Variants in MAD1L1 observed in about 807,000 individuals in gnomAD.
The protein encoded by MAD1L1 is mitotic arrest deficient 1 like 1.
In MAD1L1, 95 loss-of-function variants were observed where a neutral mutation model predicts 96.9. The observed-to-expected ratio is 0.98, with a 90% CI of 0.83 to 1.16. MAD1L1 has a LOEUF of 1.16. Among genes scored for constraint, MAD1L1 ranks in the 50% most tolerant of loss-of-function variants. The pLI is 0.00. For synonymous variants in MAD1L1, 473 were observed against 396.6 expected (o/e 1.19, Z -2.29); for missense variants, 1,007 against 954.4 (o/e 1.06, Z -0.73).
At chr7:1,864,523 G>A (rs1345329642) in intron 18 of MAD1L1, among the ~76,000 whole-genome samples, 1 of 152,222 alleles carries the variant, frequency 6.6e-6, no homozygotes, top group Non-Finnish European at 1.5e-5. Flanking sequence ...AAGTCCCCAT[G>A]ACACAGTTGC....
At chr7:2,159,421 A>C (rs1422572017) in intron 10 of MAD1L1, among the ~76,000 whole-genome samples, 1 of 152,078 alleles carries the variant, frequency 6.6e-6, no homozygotes, top group South Asian at 2.1e-4. Flanking sequence ...CTTCAATGGA[A>C]TGTCACCTGA....
chr7:1,996,157 T>TC (rs55776046), intron 14 of MAD1L1, among the ~76,000 whole-genome samples: 8 of 130,316 alleles, frequency 6.1e-5, no homozygotes, highest in Non-Finnish European at 6.5e-5. Context: ...GCATGCAGGG[T>TC]CCCCCGGGTC....
chr7:2,198,083 GTTT>G (rs78102383), intron 10 of MAD1L1, among the ~76,000 whole-genome samples: 2 of 134,194 alleles, frequency 1.5e-5, no homozygotes, highest in Non-Finnish European at 1.7e-5. Flanking sequence ...ATGAGTTTGG[GTTT>G]TTTTTTTTTT....
intron 16 of MAD1L1, among the ~76,000 whole-genome samples, chr7:1,956,551 C>T: frequency 6.6e-6 from 1 of 152,240 alleles, no homozygotes; most frequent in Admixed American, 6.5e-5. Flanking sequence ...CACGCCTCAG[C>T]TCTGAGCAGC....
rs961286900 is a variant in MAD1L1, at chr7:2,007,152, G to A, written c.1360-5031C>T. Among the ~76,000 whole-genome samples the A allele has an allele frequency of 2.6e-5, 4 of 152,226 alleles. No individual in the cohort carries two copies. The South Asian group carries it at 8.3e-4, about 32-fold the overall frequency. On this transcript the variant is annotated intron_variant, in intron 13 of 18. Transcript: ENST00000265854. ...GAAGGGACCTGAACAGACGCCACCA[G>A]AGAAGAGGCGCCGAGGTGGAGAAGC...
At chr7:1,884,468 CA>C (rs1330212776) in intron 18 of MAD1L1, among the ~76,000 whole-genome samples, 1 of 152,378 alleles carries the variant, frequency 6.6e-6, no homozygotes, top group South Asian at 2.1e-4. Flanking sequence ...AACGTTGGGT[CA>C]GGGGCCTAGC....
At chr7:1,995,734 G>A (rs938883849) in intron 14 of MAD1L1, among the ~76,000 whole-genome samples, 11 of 152,182 alleles carry the variant, frequency 7.2e-5, no homozygotes, top group African/African-American at 1.7e-4. Flanking sequence ...CTGGTGCAGC[G>A]TGAACTGAAC....
intron 10 of MAD1L1, among the ~76,000 whole-genome samples, chr7:2,172,657 C>T (rs1335674770): frequency 2.0e-5 from 3 of 152,246 alleles, no homozygotes; most frequent in Admixed American, 6.5e-5. Flanking sequence ...CAGTAGTCCT[C>T]GTGGTGCCAG....
intron 1 of MAD1L1, among the ~76,000 whole-genome samples, chr7:2,231,008 C>T (rs1235369653): frequency 6.6e-6 from 1 of 152,222 alleles, no homozygotes; most frequent in Non-Finnish European, 1.5e-5. Flanking sequence ...ACCAGGAGCA[C>T]TCACAGCAAA....
At chr7:2,214,286 C>T (rs151060249) in intron 9 of MAD1L1, among the ~76,000 whole-genome samples, 4 of 152,290 alleles carry the variant, frequency 2.6e-5, no homozygotes, top group East Asian at 3.9e-4. Flanking sequence ...TAAATTACAC[C>T]GCGGGAGAGA....
intron 18 of MAD1L1, among the ~76,000 whole-genome samples, chr7:1,883,865 G>C (rs770609467): frequency 6.6e-5 from 10 of 152,156 alleles, no homozygotes; most frequent in African/African-American, 2.4e-4. Context: ...CAGGAGCCTC[G>C]AGCGAAGCTG....
intron 15 of MAD1L1, among the ~76,000 whole-genome samples, chr7:1,973,483 G>A (rs55698439): frequency 5.9e-5 from 9 of 151,842 alleles, no homozygotes; most frequent in South Asian, 2.1e-4. Flanking sequence ...GGCCACGGAA[G>A]GGTGGATGCG....
At chr7:2,046,084 G>A (rs569181087) in intron 12 of MAD1L1, among the ~76,000 whole-genome samples, 6 of 152,248 alleles carry the variant, frequency 3.9e-5, no homozygotes, top group Admixed American at 6.5e-5. Flanking sequence ...AGGGAGTCAA[G>A]GAGGGTCCCA....
intron 18 of MAD1L1, among the ~76,000 whole-genome samples, chr7:1,877,854 G>A (rs916754219): frequency 3.4e-4 from 52 of 152,062 alleles, no homozygotes; most frequent in Non-Finnish European, 4.0e-4. Context: ...TCTTAACTGC[G>A]TATGTACCCC....
At chr7:1,915,002 G>T (rs1296042096) in intron 17 of MAD1L1, among the ~76,000 whole-genome samples, 5 of 152,248 alleles carry the variant, frequency 3.3e-5, no homozygotes, top group South Asian at 4.2e-4. Flanking sequence ...GTGGGCCTCT[G>T]GTTTTCCAGA....
chr7:1,941,342 G>A (rs1778987931), intron 16 of MAD1L1, among the ~76,000 whole-genome samples: 2 of 152,126 alleles, frequency 1.3e-5, no homozygotes, highest in African/African-American at 4.8e-5. Context: ...CCTGGGATGA[G>A]GTTTCCCCCC....
intron 18 of MAD1L1, among the ~76,000 whole-genome samples, chr7:1,844,887 G>A (rs539777870): frequency 6.6e-6 from 1 of 152,230 alleles, no homozygotes; most frequent in Non-Finnish European, 1.5e-5. Context: ...AGCCTGCCTC[G>A]CACAGCTGCT....
At chr7:2,161,900 CCCCG>C (rs1464339568) in intron 10 of MAD1L1, among the ~76,000 whole-genome samples, 1 of 148,142 alleles carries the variant, frequency 6.8e-6, no homozygotes, top group Admixed American at 6.7e-5. Context: ...GGGGGGCAGC[CCCCG>C]CCCGCCAGCC....
rs573611917 is a variant in MAD1L1 at position 2,146,953 on chromosome 7, T to A, written c.1073+2199A>T. Among the ~76,000 whole-genome samples the A allele has an allele frequency of 5.3e-5, 8 of 152,072 alleles. No individual in the cohort carries two copies. Among genetic ancestry groups the A allele is most frequent in the African/African-American group, 1.7e-4 (7 of 41,396 alleles). Reference sequence around the variant, plus strand: ...CACGACGGGACTCATCCACACCTCATTGGCCACTGCCAGCGCTGCCTGTCC... The same window carrying A: ...CACGACGGGACTCATCCACACCTCAATGGCCACTGCCAGCGCTGCCTGTCC... On this transcript the variant is annotated intron_variant, in intron 11 of 18. Transcript: ENST00000265854. This position sits in a 1 kb window ranked among gnomAD's most constrained non-coding sequence, Gnocchi z 6.2.
Sources: gnomAD v4.1 joint callset for allele counts (sites outside exome capture counted in the v4.1 genomes callset) on GRCh38, gnomAD v4.1.1 for gene constraint, Gnocchi (gnomAD v3.1) non-coding constraint, MANE v1.5 for transcripts, NCBI Gene and HGNC (gene_info 2026-07-23, HGNC 2026-07-21) for gene names.